EBF1: variants seen among roughly 807,000 people sequenced by gnomAD.
EBF1 encodes transcription factor COE1.
A neutral mutation model predicts 68.4 loss-of-function variants in EBF1; 10 were observed. That is an observed-to-expected ratio of 0.15 (90% CI 0.09 to 0.25). EBF1 has a LOEUF of 0.25. Among genes scored for constraint, EBF1 ranks in the 10% least tolerant of loss-of-function variants. The probability of loss-of-function intolerance (pLI) is 1.00; values close to 1 mark genes in which losing one functional copy is unlikely to be tolerated. For synonymous variants in EBF1, 298 were observed against 299.8 expected (o/e 0.99, Z 0.06); for missense variants, 509 against 794.4 (o/e 0.64, Z 4.32).
At chr5:158,759,230 C>G (rs942072733) in intron 10 of EBF1, among the ~76,000 whole-genome samples, 7 of 152,150 alleles carry the variant, frequency 4.6e-5, no homozygotes, top group Non-Finnish European at 1.0e-4. Flanking sequence ...GGGAGTTAGT[C>G]TTGATAGTTA....
At chr5:158,831,397 G>A (rs1787534017) in intron 7 of EBF1, among the ~76,000 whole-genome samples, 1 of 152,106 alleles carries the variant, frequency 6.6e-6, no homozygotes, top group African/African-American at 2.4e-5. Flanking sequence ...CCCACTATGT[G>A]CCTACCATGT....
At chr5:159,077,253 G>A (rs865780629) in intron 5 of EBF1, among the ~76,000 whole-genome samples, 37 of 152,108 alleles carry the variant, frequency 2.4e-4, no homozygotes, top group African/African-American at 7.0e-4. Flanking sequence ...TGGCCAACAC[G>A]GTGAAACCCC....
intron 6 of EBF1, among the ~76,000 whole-genome samples, chr5:158,979,799 A>G (rs1258682603): frequency 6.6e-6 from 1 of 152,184 alleles, no homozygotes; most frequent in African/African-American, 2.4e-5. Context: ...AGAAGGCAGT[A>G]ATAACGCTAA....
At chr5:158,867,948 AT>A (rs1360157346) in intron 6 of EBF1, among the ~76,000 whole-genome samples, 2 of 152,306 alleles carry the variant, frequency 1.3e-5, no homozygotes, top group African/African-American at 4.8e-5. Flanking sequence ...AACTCAGAAG[AT>A]AGCATTACCA....
chr5:158,839,475 C>T (rs545531167), intron 7 of EBF1, among the ~76,000 whole-genome samples: 4 of 152,230 alleles, frequency 2.6e-5, no homozygotes, highest in South Asian at 4.1e-4. Flanking sequence ...CTCCAACTCC[C>T]GGGTTCAAGT....
At chr5:159,045,186 T>A (rs1323939221) in intron 6 of EBF1, among the ~76,000 whole-genome samples, 1 of 152,176 alleles carries the variant, frequency 6.6e-6, no homozygotes, top group Admixed American at 6.5e-5. Context: ...GCATTCAAGA[T>A]CAGATCATTT....
intron 11 of EBF1, among the ~76,000 whole-genome samples, chr5:158,727,611 T>C (rs1033823488): frequency 1.3e-5 from 2 of 152,188 alleles, no homozygotes; most frequent in South Asian, 2.1e-4. Flanking sequence ...CCTGTGTATA[T>C]GAAAAAGGAA....
intron 6 of EBF1, among the ~76,000 whole-genome samples, chr5:158,926,605 TC>T (rs922943521): frequency 3.3e-5 from 5 of 151,530 alleles, no homozygotes; most frequent in Admixed American, 6.6e-5. Flanking sequence ...ACACCTGTAA[TC>T]CCAGCTACTT....
intron 6 of EBF1, among the ~76,000 whole-genome samples, chr5:159,045,345 C>G (rs1423758419): frequency 6.6e-6 from 1 of 151,964 alleles, no homozygotes; most frequent in African/African-American, 2.4e-5. Context: ...AAGTTATACA[C>G]AGTTCCTCCC....
intron 10 of EBF1, among the ~76,000 whole-genome samples, chr5:158,776,815 C>A (rs1337249008): frequency 2.0e-5 from 3 of 152,148 alleles, no homozygotes; most frequent in African/African-American, 7.2e-5. Context: ...GGGCACTCAG[C>A]CTTTATACTT....
intron 8 of EBF1, among the ~76,000 whole-genome samples, chr5:158,813,615 C>A (rs1783129735): frequency 6.6e-6 from 1 of 152,158 alleles, no homozygotes; most frequent in African/African-American, 2.4e-5. Flanking sequence ...ATAAAAGAAC[C>A]TCTCACAGAA....
chr5:158,931,100 G>A (rs899666313), intron 6 of EBF1, among the ~76,000 whole-genome samples: 2 of 152,176 alleles, frequency 1.3e-5, no homozygotes, highest in African/African-American at 4.8e-5. Context: ...AAAGCAGCAG[G>A]TCCAGTCCCA....
chr5:159,039,725 G>A (rs1584178449), intron 6 of EBF1, among the ~76,000 whole-genome samples: 2 of 152,142 alleles, frequency 1.3e-5, no homozygotes, highest in African/African-American at 4.8e-5. Context: ...TCCTTCTCAA[G>A]GGCCCTGGGA....
At chr5:158,758,628 G>C in intron 10 of EBF1, among the ~76,000 whole-genome samples, 1 of 151,952 alleles carries the variant, frequency 6.6e-6, no homozygotes, top group Non-Finnish European at 1.5e-5. Context: ...AGTAATCATT[G>C]TTGCAATTAA....
intron 6 of EBF1, among the ~76,000 whole-genome samples, chr5:158,969,888 G>GA (rs761037187): frequency 1.0e-5 from 1 of 95,400 alleles, no homozygotes; most frequent in African/African-American, 3.9e-5. Context: ...AAGAAAGAAA[G>GA]AAAGAAAGAA....
At chr5:158,886,191 G>T (rs11949826) in intron 6 of EBF1, among the ~76,000 whole-genome samples, 19,498 of 152,212 alleles carry the variant, frequency 0.13, 1,329 homozygotes, top group African/African-American at 0.14. Flanking sequence ...ATAATTCAAG[G>T]CATGCCTGTC....
intron 9 of EBF1, among the ~76,000 whole-genome samples, chr5:158,778,836 T>TA (rs1163506267): frequency 6.6e-6 from 1 of 152,200 alleles, no homozygotes; most frequent in African/African-American, 2.4e-5. Flanking sequence ...TCTTGTAATA[T>TA]AAAAAAGCCC....
At chr5:158,858,671 C>T (rs1056636801) in intron 6 of EBF1, among the ~76,000 whole-genome samples, 4 of 152,172 alleles carry the variant, frequency 2.6e-5, no homozygotes, top group Non-Finnish European at 5.9e-5. Context: ...TGCAAAATAT[C>T]AAGTTTCATA....
chr5:158,839,984 T>C, intron 7 of EBF1, 45 bp downstream of exon 7: 1 of 1,568,766 alleles, frequency 6.4e-7, no homozygotes. Flanking sequence ...CCTCTCCTGA[T>C]ATTCATGCCA....
Sources: gnomAD v4.1 joint callset for allele counts (sites outside exome capture counted in the v4.1 genomes callset) on GRCh38, gnomAD v4.1.1 for gene constraint, MANE v1.5 for transcripts, NCBI Gene and HGNC (gene_info 2026-07-23, HGNC 2026-07-21) for gene names.